CACNA1S: variants seen among roughly 807,000 people sequenced by gnomAD.
CACNA1S encodes calcium voltage-gated channel subunit alpha1 S.
A neutral mutation model predicts 207.4 loss-of-function variants in CACNA1S; 126 were observed. The ratio of observed to expected loss-of-function variants is 0.61; its 90% CI spans 0.53 to 0.70. CACNA1S has a LOEUF of 0.70. CACNA1S is among the 30% of genes least tolerant of loss of function. The pLI is 0.00. For synonymous variants in CACNA1S, 960 were observed against 932.7 expected (o/e 1.03, Z -0.53); for missense variants, 2,349 against 2,422.8 (o/e 0.97, Z 0.64).
rs1295189210 is a variant in CACNA1S, at chr1:201,044,204, G to A, written c.4797+124C>T. On this transcript the variant is annotated intron_variant, in intron 39 of 43. Transcript: ENST00000362061. The stretch of plus-strand genomic sequence containing the variant: ...GAGGTGGGTGGTGAAGTGGAGAGAC[G>A]GAGTGGGGTATCTTCAGCTCCCATG... The A allele has an allele frequency of 1.4e-5, 16 of 1,184,780 alleles. No homozygotes were observed. In the Admixed American group the frequency reaches 1.5e-4, roughly 11 times the overall value. The allele number at this position is 1,184,780 out of a possible 1,614,324, so 73.4% of individuals were successfully genotyped here.
Position 201,075,615 on chromosome 1 carries a change from C to A in CACNA1S, c.1828G>T (p.Val610Leu), listed in dbSNP as rs756131999. ...GAGGTCCAGTCTTCCCCTGTCAGTA[C>A]CTGTATGGAGGGAGGATAGAGGGCT... ...FPQALISVFQ[V>L]LTGEDWTSMM... The change falls in exon 13 of 44, where the codon GTA (valine) becomes TTA (leucine). Residue 610 changes from valine to leucine, a missense_variant and splice_region_variant. Physicochemically the swap from Val to Leu is conservative, Grantham distance 32. Coordinates refer to ENST00000362061, the MANE Select transcript of CACNA1S (RefSeq NM_000069.3). The A allele has an allele frequency of 5.0e-6, 8 of 1,613,958 alleles. No individual in the cohort carries two copies. The African/African-American group carries it at 9.3e-5, about 19-fold the overall frequency.
chr1:201,109,635 G>T (rs1043533798), intron 2 of CACNA1S, among the ~76,000 whole-genome samples: 15 of 152,156 alleles, frequency 9.9e-5, no homozygotes, highest in Admixed American at 2.0e-4. Context: ...GCATTTTATG[G>T]TTCCAGGTAT....
At chr1:201,105,883 G>C (rs938449814) in intron 2 of CACNA1S, among the ~76,000 whole-genome samples, 6 of 152,072 alleles carry the variant, frequency 3.9e-5, no homozygotes, top group Non-Finnish European at 4.4e-5. Flanking sequence ...TCGCACACAC[G>C]GCAACTGAGG....
chr1:201,070,151 A>T (rs1661397622), intron 17 of CACNA1S, 121 bp downstream of exon 17: 1 of 1,117,586 alleles, frequency 8.9e-7, no homozygotes, highest in African/African-American at 1.5e-5. Flanking sequence ...ATCTTAAGCT[A>T]AAACACTGAG....
chr1:201,052,316 C>G (rs533397447), intron 32 of CACNA1S, among the ~76,000 whole-genome samples: 1 of 152,234 alleles, frequency 6.6e-6, no homozygotes, highest in Non-Finnish European at 1.5e-5. Context: ...CAGCACTTCA[C>G]TCAGTGGAGG....
At chr1:201,082,028 C>CCTTTTTT (rs1158693723) in intron 10 of CACNA1S, among the ~76,000 whole-genome samples, 1 of 100,870 alleles carries the variant, frequency 9.9e-6, no homozygotes, top group Non-Finnish European at 2.1e-5. Flanking sequence ...GTCTCAGGTG[C>CCTTTTTT]ATTTTTTTTT....
At position 201,083,207 on chromosome 1, in the gene CACNA1S, C is replaced by A. The variant is rs150218077; in HGVS notation, c.1348G>T (p.Ala450Ser). The part of the protein sequence containing the change: ...LIVALNTLSI[A>S]SEHHNQPLWL... ...AGAGGCTGGTTGTGGTGCTCTGAGGCGATAGACAGGGTGTTGAGGGCAACG... is the reference window on the plus strand; with the variant it reads ...AGAGGCTGGTTGTGGTGCTCTGAGGAGATAGACAGGGTGTTGAGGGCAACG... Residue 450 changes from alanine (A) to serine (S), a missense_variant, in exon 10 of 44, where the codon GCC becomes TCC. Transcript: ENST00000362061. The A allele has an allele frequency of 6.2e-7, 1 of 1,614,112 alleles. No homozygotes were observed. The highest frequency in any genetic ancestry group is 8.5e-7 in the Non-Finnish European group (1 of 1,180,028).
At chr1:201,049,202 G>A (rs1660572666) in intron 34 of CACNA1S, 103 bp from the exon 35 acceptor site, 4 of 786,428 alleles carry the variant, frequency 5.1e-6, no homozygotes, top group South Asian at 4.5e-5. Context: ...GGAAACAGGG[G>A]AGCATTTCCT....
In CACNA1S at chr1:201,077,907, G is replaced by A. The variant is rs751671175; in HGVS notation, c.1591C>T (p.Arg531Cys). The A allele has an allele frequency of 3.0e-5, 48 of 1,613,908 alleles. 1 individual carries two copies. The South Asian group carries it at 3.6e-4, about 12-fold the overall frequency. Residue 531 changes from arginine to cysteine, a missense_variant, in exon 11 of 44, where the codon CGC becomes TGC. Transcript: ENST00000362061. ...PLGISVLRCI[R>C]LLRIFKITKY... ...GTGATCTTGAAGATCCTCAGGAGGC[G>A]GATGCAGCGGAGCACGGAGATGCCC...
At chr1:201,071,367 T>C (rs982774541) in intron 16 of CACNA1S, among the ~76,000 whole-genome samples, 1 of 151,894 alleles carries the variant, frequency 6.6e-6, no homozygotes, top group Non-Finnish European at 1.5e-5. Context: ...AACGTGACAC[T>C]TTCTGTCTTG....
rs774813348 is a variant in CACNA1S, at chr1:201,112,418, T to G, written c.-79A>C. The G allele has an allele frequency of 6.2e-7, 1 of 1,607,694 alleles. No individual in the cohort carries two copies. The highest frequency in any genetic ancestry group is 8.5e-7 in the Non-Finnish European group (1 of 1,179,354). ...TCCCTGTGTCCCCAATGCCCCCGCC[T>G]TGGGGACTAGGCTGGCTGAGGCTGT... On this transcript the variant is annotated 5_prime_UTR_variant, in exon 1 of 44. Coordinates refer to ENST00000362061, the MANE Select transcript of CACNA1S (RefSeq NM_000069.3).
chr1:201,060,524 T>G (rs1362702253), intron 26 of CACNA1S, 134 bp downstream of exon 26: 2 of 923,202 alleles, frequency 2.2e-6, no homozygotes, highest in Non-Finnish European at 3.4e-6. Context: ...CTGTATTCCA[T>G]GTAGCACCTC....
chr1:201,068,701 T>C (rs1661342785), intron 19 of CACNA1S, among the ~76,000 whole-genome samples: 1 of 151,774 alleles, frequency 6.6e-6, no homozygotes, highest in African/African-American at 2.4e-5. Flanking sequence ...TGAAACCCTG[T>C]CTCTGTTAAA....
chr1:201,073,000 G>A (rs1240482219), intron 15 of CACNA1S, among the ~76,000 whole-genome samples, 176 bp from the exon 16 acceptor site: 1 of 152,190 alleles, frequency 6.6e-6, no homozygotes, highest in Non-Finnish European at 1.5e-5. Context: ...GCCCAGCAAG[G>A]CCAGACAACT....
chr1:201,091,767 G>C lies in CACNA1S; in HGVS notation c.567C>G (p.Ile189Met). ...GAAAGAGGGGGAGCATGGCCTTGAA[G>C]ATGGAGTTCAGGACCACCTGCAGGC... ...VPSLQVVLNS[I>M]FKAMLPLFHI... Residue 189 changes from isoleucine to methionine, a missense_variant, in exon 5 of 44, where the codon ATC (isoleucine) becomes ATG (methionine). By Grantham distance (10) the Ile-to-Met change is conservative. Transcript: ENST00000362061. 1 of 1,614,110 alleles carries C rather than the reference G, an allele frequency of 6.2e-7. No homozygotes were observed. Among genetic ancestry groups the C allele is most frequent in the Non-Finnish European group, 8.5e-7 (1 of 1,179,944 alleles).
chr1:201,055,952 C>A (rs187061337), intron 28 of CACNA1S, among the ~76,000 whole-genome samples: 57 of 152,258 alleles, frequency 3.7e-4, no homozygotes, highest in Admixed American at 9.8e-4. Context: ...TCTGTTCTGG[C>A]TGTGCTGGTG....
rs749551758 is a variant in CACNA1S, at chr1:201,091,769, T to C, written c.565A>G (p.Ile189Val). 33 of 1,613,862 alleles carry C rather than the reference T, an allele frequency of 2.0e-5. No homozygotes were observed. Among genetic ancestry groups the C allele is most frequent in the Non-Finnish European group, 3.4e-6 (4 of 1,179,908 alleles). ...AAGAGGGGGAGCATGGCCTTGAAGA[T>C]GGAGTTCAGGACCACCTGCAGGCCT... ...VPSLQVVLNSIFKAMLPLFHI... is the reference protein window; with the variant it reads ...VPSLQVVLNSVFKAMLPLFHI... The change falls in exon 5 of 44, where the codon ATC (isoleucine) becomes GTC (valine). Residue 189 changes from isoleucine to valine, a missense_variant. Ile to Val is a conservative substitution (Grantham distance 29, BLOSUM62 3). Coordinates refer to ENST00000362061, the MANE Select transcript of CACNA1S (RefSeq NM_000069.3).
At position 201,053,991 on chromosome 1, in the gene CACNA1S, G is replaced by A. The variant is rs890071173; in HGVS notation, c.3667-404C>T. Among the ~76,000 whole-genome samples the A allele has an allele frequency of 6.6e-6, 1 of 152,180 alleles. No homozygotes were observed. Among genetic ancestry groups the A allele is most frequent in the Non-Finnish European group, 1.5e-5 (1 of 68,010 alleles). Reference sequence around the variant, plus strand: ...GGGCTCCTCCCCTGGCGTCCTCCCAGTGCAAAGATTTCCCAAAGCTTGGCT... The same window carrying A: ...GGGCTCCTCCCCTGGCGTCCTCCCAATGCAAAGATTTCCCAAAGCTTGGCT... On this transcript the variant is annotated intron_variant, in intron 29 of 43. Transcript: ENST00000362061. The surrounding 1 kb of genome is among the most constrained non-coding windows in gnomAD (Gnocchi z 5.1).
intron 2 of CACNA1S, among the ~76,000 whole-genome samples, chr1:201,106,645 G>T (rs771140432): frequency 7.2e-5 from 11 of 152,096 alleles, no homozygotes; most frequent in Non-Finnish European, 1.2e-4. Context: ...TTGCTGTTCA[G>T]TGTTGTGCAG....
Sources: allele counts gnomAD v4.1 joint callset (sites outside exome capture counted in the v4.1 genomes callset), GRCh38; gene constraint gnomAD v4.1.1; non-coding constraint Gnocchi (gnomAD v3.1); transcripts MANE v1.5; gene names NCBI Gene and HGNC (gene_info 2026-07-23, HGNC 2026-07-21).